Variants in GALNTL6 observed in about 807,000 individuals in gnomAD.
GALNTL6 encodes polypeptide N-acetylgalactosaminyltransferase-like 6.
A neutral mutation model predicts 73.7 loss-of-function variants in GALNTL6; 46 were observed. The ratio of observed to expected loss-of-function variants is 0.62; its 90% CI spans 0.49 to 0.80. GALNTL6 has a LOEUF of 0.80. Ranked by LOEUF, GALNTL6 falls within the 30% of genes least tolerant of loss-of-function variation. The pLI is 0.00. For missense variants in GALNTL6, 604 were observed against 755.0 expected (o/e 0.80, Z 2.34); for synonymous variants, 259 against 263.7 (o/e 0.98, Z 0.17).
At chr4:172,325,845 A>C (rs570507779) in intron 4 of GALNTL6, among the ~76,000 whole-genome samples, 1 of 151,822 alleles carries the variant, frequency 6.6e-6, no homozygotes, top group Non-Finnish European at 1.5e-5. Context: ...AGAAAAGGGG[A>C]ACTATTTGGG....
At chr4:172,557,380 A>C (rs1421981687) in intron 5 of GALNTL6, among the ~76,000 whole-genome samples, 2 of 152,152 alleles carry the variant, frequency 1.3e-5, no homozygotes, top group African/African-American at 4.8e-5. Context: ...CCAGGAGAGA[A>C]AAAAATTGAT....
At chr4:172,790,467 C>A (rs779901007) in intron 5 of GALNTL6, among the ~76,000 whole-genome samples, 13 of 152,158 alleles carry the variant, frequency 8.5e-5, no homozygotes, top group Non-Finnish European at 1.6e-4. Context: ...AAGGCTGCCA[C>A]CTGTGAGCCA....
rs1362375006 is a variant in GALNTL6, at chr4:172,509,192, A to G, written c.553+160503A>G. Among the ~76,000 whole-genome samples, 53 of 53,000 alleles carry G rather than the reference A, an allele frequency of 1.0e-3. 18 individuals carry two copies. The highest frequency in any genetic ancestry group is 2.3e-3 in the African/African-American group (48 of 21,036). The allele number at this position is 53,000 out of a possible 152,430, so 34.8% of individuals were successfully genotyped here. On this transcript the variant is annotated intron_variant, in intron 5 of 12. Transcript: ENST00000506823. ...TGTGGTTTTGATTTGCATTTCCCTCATAATTAGTGATATTGAGCATTTTTT... is the reference window on the plus strand; with the variant it reads ...TGTGGTTTTGATTTGCATTTCCCTCGTAATTAGTGATATTGAGCATTTTTT...
intron 2 of GALNTL6, among the ~76,000 whole-genome samples, chr4:171,967,177 A>G (rs952573138): frequency 3.3e-5 from 5 of 152,200 alleles, no homozygotes; most frequent in African/African-American, 1.2e-4. Flanking sequence ...GTATTGTAAA[A>G]TGTGTTTTCA....
chr4:173,034,198 A>T (rs1366420288), intron 12 of GALNTL6, among the ~76,000 whole-genome samples: 1 of 152,094 alleles, frequency 6.6e-6, no homozygotes, highest in Non-Finnish European at 1.5e-5. Context: ...TCGTTTTTGC[A>T]TCAGCTGAAA....
At chr4:172,443,758 T>C (rs1383248839) in intron 5 of GALNTL6, among the ~76,000 whole-genome samples, 4 of 152,214 alleles carry the variant, frequency 2.6e-5, no homozygotes, top group Admixed American at 2.6e-4. Flanking sequence ...GCTATTAAAA[T>C]TTAAAAATAT....
chr4:172,727,740 G>A (rs1214810959), intron 5 of GALNTL6, among the ~76,000 whole-genome samples: 1 of 151,894 alleles, frequency 6.6e-6, no homozygotes, highest in African/African-American at 2.4e-5. Flanking sequence ...AATAAGAACA[G>A]AAATAATTTA....
At chr4:172,079,547 C>A (rs1037839825) in intron 2 of GALNTL6, among the ~76,000 whole-genome samples, 1 of 151,918 alleles carries the variant, frequency 6.6e-6, no homozygotes, top group African/African-American at 2.4e-5. Flanking sequence ...AATGCTGTAC[C>A]AGTTTACACT....
chr4:171,967,023 T>C (rs1372339795), intron 2 of GALNTL6, among the ~76,000 whole-genome samples: 3 of 152,182 alleles, frequency 2.0e-5, no homozygotes, highest in African/African-American at 7.2e-5. Context: ...ACTTTGCAAG[T>C]AGCAGTTTTG....
At chr4:172,685,958 G>C (rs1732893206) in intron 5 of GALNTL6, among the ~76,000 whole-genome samples, 1 of 152,064 alleles carries the variant, frequency 6.6e-6, no homozygotes, top group Admixed American at 6.5e-5. Flanking sequence ...TTAAACATAA[G>C]GATAACCTTG....
chr4:172,141,125 T>C (rs1238163761), intron 2 of GALNTL6, among the ~76,000 whole-genome samples: 2 of 152,022 alleles, frequency 1.3e-5, no homozygotes, highest in Admixed American at 6.6e-5. Context: ...TAGTGTTACT[T>C]TGATGCCTTA....
intron 5 of GALNTL6, among the ~76,000 whole-genome samples, chr4:172,772,568 T>C (rs1314474021): frequency 8.0e-6 from 1 of 124,656 alleles, no homozygotes; most frequent in African/African-American, 2.7e-5. Flanking sequence ...TATTGTTTTC[T>C]TACAGTTTCA....
chr4:172,839,788 C>A (rs1056733414), intron 7 of GALNTL6, among the ~76,000 whole-genome samples: 2 of 152,180 alleles, frequency 1.3e-5, no homozygotes, highest in Non-Finnish European at 2.9e-5. Context: ...AAACTTCTAA[C>A]CAGAGAAAAA....
intron 5 of GALNTL6, among the ~76,000 whole-genome samples, chr4:172,568,453 G>A (rs1156847493): frequency 2.0e-5 from 3 of 152,094 alleles, no homozygotes; most frequent in Admixed American, 2.0e-4. Context: ...TTTTAAACTA[G>A]TTTTTAAAAG....
At chr4:172,212,838 T>G (rs1401841254) in intron 2 of GALNTL6, among the ~76,000 whole-genome samples, 1 of 151,508 alleles carries the variant, frequency 6.6e-6, no homozygotes, top group Non-Finnish European at 1.5e-5. Context: ...CGGCTAATTT[T>G]TTTTGTATTT....
chr4:171,903,846 G>C (rs908163220), intron 2 of GALNTL6, among the ~76,000 whole-genome samples: 7 of 152,106 alleles, frequency 4.6e-5, no homozygotes, highest in African/African-American at 1.7e-4. Context: ...CCTGACCCCT[G>C]AGCAGCCTAA....
At chr4:173,028,894 C>A (rs567587096) in intron 12 of GALNTL6, among the ~76,000 whole-genome samples, 5 of 152,310 alleles carry the variant, frequency 3.3e-5, no homozygotes, top group South Asian at 2.1e-4. Context: ...AAGGCACCTG[C>A]CAGGCTAAAT....
chr4:172,162,594 A>G (rs1252237287), intron 2 of GALNTL6, among the ~76,000 whole-genome samples: 2 of 152,020 alleles, frequency 1.3e-5, no homozygotes, highest in African/African-American at 4.8e-5. Context: ...ATAGCTGCAG[A>G]GAGAGAGAAA....
intron 2 of GALNTL6, among the ~76,000 whole-genome samples, chr4:171,985,237 C>G (rs1033087301): frequency 1.2e-4 from 19 of 152,158 alleles, no homozygotes; most frequent in African/African-American, 3.6e-4. Context: ...CATAGTTCCA[C>G]ATTTTTCCTC....
Sources: allele counts gnomAD v4.1 joint callset (sites outside exome capture counted in the v4.1 genomes callset), GRCh38; gene constraint gnomAD v4.1.1; transcripts MANE v1.5; gene names NCBI Gene and HGNC (gene_info 2026-07-23, HGNC 2026-07-21).